The following PDS5A variants were observed in gnomAD, a reference collection of about 807,000 sequenced individuals.
PDS5A encodes sister chromatid cohesion protein PDS5 homolog A.
A neutral mutation model predicts 167.1 loss-of-function variants in PDS5A; 42 were observed. That is an observed-to-expected ratio of 0.25 (90% CI 0.20 to 0.33). PDS5A has a LOEUF of 0.33. PDS5A is among the 10% of genes least tolerant of loss of function. PDS5A has a pLI of 1.00. For synonymous variants in PDS5A, 553 were observed against 554.6 expected, an observed-to-expected ratio of 1.00 and a Z score of 0.04; for missense variants, 1,033 against 1,605.9, an observed-to-expected ratio of 0.64 and a Z score of 6.10.
chr4:39,866,163 G>A (rs1344529943), intron 23 of PDS5A, among the ~76,000 whole-genome samples: 2 of 152,136 alleles, frequency 1.3e-5, no homozygotes, highest in Non-Finnish European at 2.9e-5. Flanking sequence ...TGCCCAGGCT[G>A]GAGTGCGGTG....
At chr4:39,899,331 C>G (rs1465935474) in intron 14 of PDS5A, among the ~76,000 whole-genome samples, 1 of 152,068 alleles carries the variant, frequency 6.6e-6, no homozygotes, top group Non-Finnish European at 1.5e-5. Flanking sequence ...TAAAACATTA[C>G]TTATTAGTTT....
chr4:39,842,903 C>CATATATATATATA (rs1717157392), intron 30 of PDS5A, among the ~76,000 whole-genome samples: 1 of 23,986 alleles, frequency 4.2e-5, no homozygotes, highest in Non-Finnish European at 7.2e-5. Flanking sequence ...TAAACTTATC[C>CATATATATATATA]TATTTTTATA....
At chr4:39,877,243 A>C (rs1720537394) in intron 18 of PDS5A, 90 bp from the exon 19 acceptor site, 1 of 780,340 alleles carries the variant, frequency 1.3e-6, no homozygotes, top group Non-Finnish European at 2.0e-6. Context: ...AAAAAAATTA[A>C]ATTCTGGGGT....
chr4:39,850,604 T>C (rs1470450326), intron 26 of PDS5A, among the ~76,000 whole-genome samples: 1 of 152,228 alleles, frequency 6.6e-6, no homozygotes, highest in Non-Finnish European at 1.5e-5. Context: ...GCAGAAGTTC[T>C]ACAATTGGTA....
chr4:39,863,680 G>C (rs1719185946), intron 23 of PDS5A, among the ~76,000 whole-genome samples: 1 of 152,082 alleles, frequency 6.6e-6, no homozygotes, highest in Non-Finnish European at 1.5e-5. Context: ...AAATTTACCT[G>C]CCTTCATTTC....
chr4:39,939,720 C>G (rs943238333), intron 2 of PDS5A, among the ~76,000 whole-genome samples: 3 of 151,980 alleles, frequency 2.0e-5, no homozygotes, highest in Admixed American at 2.0e-4. Context: ...TCACTTGAAC[C>G]CAGGAGGCGG....
chr4:39,849,409 A>C, intron 27 of PDS5A, 111 bp downstream of exon 27: 19 of 681,356 alleles, frequency 2.8e-5, no homozygotes, highest in Middle Eastern at 2.6e-4. Flanking sequence ...TTTTGTAAAC[A>C]TTCTAAAATT....
intron 14 of PDS5A, 81 bp downstream of exon 14, chr4:39,900,345 C>T: frequency 2.5e-6 from 2 of 801,594 alleles, no homozygotes; most frequent in Admixed American, 2.3e-5. Flanking sequence ...GATACTTTTT[C>T]CCTGCTTCAT....
At chr4:39,889,971 T>G (rs1560457842) in intron 17 of PDS5A, among the ~76,000 whole-genome samples, 1 of 152,242 alleles carries the variant, frequency 6.6e-6, no homozygotes, top group Non-Finnish European at 1.5e-5. Flanking sequence ...ATCTAAAATA[T>G]TCCTTTTTCT....
chr4:39,878,457 C>G (rs781014930), intron 18 of PDS5A, among the ~76,000 whole-genome samples: 19 of 152,034 alleles, frequency 1.2e-4, no homozygotes, highest in Non-Finnish European at 2.5e-4. Context: ...ATTAGCCAGG[C>G]ATGGTGGCGG....
intron 2 of PDS5A, among the ~76,000 whole-genome samples, chr4:39,944,031 A>G (rs1431448866): frequency 6.6e-6 from 1 of 151,466 alleles, no homozygotes; most frequent in Non-Finnish European, 1.5e-5. Flanking sequence ...CAAAAAAATT[A>G]GCGGGGCGTG....
intron 22 of PDS5A, chr4:39,868,828 A>C (rs1322916845): frequency 1.1e-5 from 4 of 370,662 alleles, no homozygotes; most frequent in Non-Finnish European, 2.1e-5. Flanking sequence ...TATGATGATG[A>C]TGAAGCAACA....
intron 28 of PDS5A, chr4:39,847,980 C>G (rs1717782660): frequency 6.6e-6 from 1 of 152,190 alleles, no homozygotes. Flanking sequence ...GAGATTCTCA[C>G]AGAAGCACAA....
intron 31 of PDS5A, among the ~76,000 whole-genome samples, chr4:39,838,873 G>C (rs1011982367): frequency 2.6e-5 from 4 of 151,966 alleles, no homozygotes; most frequent in African/African-American, 9.7e-5. Flanking sequence ...TACAAAATTA[G>C]CCAGGCATGG....
intron 2 of PDS5A, among the ~76,000 whole-genome samples, chr4:39,970,801 T>TTC (rs1430047000): frequency 2.2e-4 from 33 of 146,866 alleles, no homozygotes; most frequent in African/African-American, 8.1e-4. Context: ...TTTTTTTTTT[T>TTC]TTTTTTTTTT....
intron 9 of PDS5A, 139 bp downstream of exon 9, chr4:39,913,472 T>C: frequency 1.7e-6 from 1 of 573,048 alleles, no homozygotes; most frequent in Non-Finnish European, 3.1e-6. Flanking sequence ...ATTTATTCCA[T>C]AAGAAGGATG....
In PDS5A at chr4:39,920,242, T is replaced by G. The variant is rs978581539; in HGVS notation, c.735+77A>C. ...TATTTATAAGCTAAATAAACTTTTA[T>G]GTAAGAGGTTCTAATAAATTAATAC... On this transcript the variant is annotated intron_variant, in intron 7 of 32. Transcript: ENST00000303538. 10 of 624,454 alleles carry G rather than the reference T, an allele frequency of 1.6e-5. No homozygotes were observed. In the East Asian group the frequency reaches 2.5e-4, roughly 16 times the overall value. The allele number at this position is 624,454 out of a possible 1,614,324, so 38.7% of individuals were successfully genotyped here.
At chr4:39,832,950 G>A (rs1578566152) in intron 32 of PDS5A, among the ~76,000 whole-genome samples, 1 of 151,694 alleles carries the variant, frequency 6.6e-6, no homozygotes, top group Non-Finnish European at 1.5e-5. Flanking sequence ...GAGGTCAGGA[G>A]TTCAAGACCA....
chr4:39,858,056 T>C (rs1225869240), intron 26 of PDS5A, among the ~76,000 whole-genome samples: 1 of 151,816 alleles, frequency 6.6e-6, no homozygotes, highest in African/African-American at 2.4e-5. Flanking sequence ...GAAAAATAAA[T>C]AAATGAATAC....
Sources: gnomAD v4.1 joint callset for allele counts (sites outside exome capture counted in the v4.1 genomes callset) on GRCh38, gnomAD v4.1.1 for gene constraint, MANE v1.5 for transcripts, NCBI Gene and HGNC (gene_info 2026-07-23, HGNC 2026-07-21) for gene names.